The following RPAP2 variants were observed in gnomAD, a reference collection of about 807,000 sequenced individuals.
The protein encoded by RPAP2 is RNA polymerase II associated protein 2, also known as putative RNA polymerase II subunit B1 CTD phosphatase RPAP2.
RPAP2 carries 52 observed loss-of-function variants against 73.1 expected under a neutral mutation model. The observed-to-expected ratio is 0.71, with a 90% CI of 0.57 to 0.90. RPAP2 has a LOEUF of 0.90. Ranked by LOEUF, RPAP2 falls within the 40% of genes least tolerant of loss-of-function variation. RPAP2 has a pLI of 0.00. For missense variants in RPAP2, 598 were observed against 701.8 expected, an observed-to-expected ratio of 0.85 and a Z score of 1.67; for synonymous variants, 225 against 242.1, an observed-to-expected ratio of 0.93 and a Z score of 0.65.
At chr1:92,305,019 C>T (rs902502301) in intron 5 of RPAP2, among the ~76,000 whole-genome samples, 1 of 152,028 alleles carries the variant, frequency 6.6e-6, no homozygotes, top group East Asian at 1.9e-4. Context: ...CCTGTAGTCC[C>T]AGCTACTCAG....
rs1346785534 is a variant in RPAP2, at chr1:92,391,171, A to G, written c.*4160A>G. On this transcript the variant is annotated 3_prime_UTR_variant, in exon 13 of 13. Transcript: ENST00000610020. ...CTTCAGCAAATGCAAAAGAACAGAA[A>G]TCACAACAAACCGTCTCAGACCACA... 1 of 152,188 alleles carries G rather than the reference A, an allele frequency of 6.6e-6. No individual in the cohort carries two copies. The highest frequency in any genetic ancestry group is 1.9e-4 in the East Asian group (1 of 5,200). 9.4% of individuals were successfully genotyped at this position (152,188 alleles called of 1,614,324 possible).
At chr1:92,360,590 G>A (rs1359281789) in intron 11 of RPAP2, among the ~76,000 whole-genome samples, 1 of 152,114 alleles carries the variant, frequency 6.6e-6, no homozygotes, top group East Asian at 1.9e-4. Context: ...GGTGGAATGT[G>A]GCCCATGAAG....
At chr1:92,332,619 G>A (rs1021148720) in intron 8 of RPAP2, among the ~76,000 whole-genome samples, 1 of 152,058 alleles carries the variant, frequency 6.6e-6, no homozygotes, top group African/African-American at 2.4e-5. Context: ...TGTAATCAGA[G>A]ATTAAGATGA....
intron 10 of RPAP2, among the ~76,000 whole-genome samples, chr1:92,343,047 G>A (rs578028932): frequency 1.7e-4 from 26 of 152,282 alleles, no homozygotes; most frequent in Non-Finnish European, 2.9e-4. Context: ...ATTTAAAGTC[G>A]TAAGATTGGA....
intron 6 of RPAP2, among the ~76,000 whole-genome samples, chr1:92,311,078 G>T (rs530552907): frequency 6.6e-6 from 1 of 152,116 alleles, no homozygotes; most frequent in Non-Finnish European, 1.5e-5. Context: ...CTACTCTGTT[G>T]CTTTTTTAAA....
In RPAP2 at chr1:92,395,785, G is replaced by A. The variant is rs1472355684; in HGVS notation, c.*8774G>A. Reference sequence around the variant, plus strand: ...AAAATAAGGCAGACAACTTAAAAATGGACAAAATGTTTGAATAGATATTTC... The same window carrying A: ...AAAATAAGGCAGACAACTTAAAAATAGACAAAATGTTTGAATAGATATTTC... On this transcript the variant is annotated 3_prime_UTR_variant, in exon 13 of 13. Coordinates refer to ENST00000610020, the MANE Select transcript of RPAP2 (RefSeq NM_024813.3). 2.6e-5 allele frequency: 4 copies of A among 152,058 alleles called. No individual in the cohort carries two copies. The highest frequency in any genetic ancestry group is 9.7e-5 in the African/African-American group (4 of 41,414). The allele number at this position is 152,058 out of a possible 1,614,324, so 9.4% of individuals were successfully genotyped here. A position where few individuals can be genotyped will look rare whatever the true frequency, so the allele number is the denominator to read the frequency against.
At chr1:92,310,538 T>A (rs921589151) in intron 6 of RPAP2, among the ~76,000 whole-genome samples, 1 of 152,146 alleles carries the variant, frequency 6.6e-6, no homozygotes, top group African/African-American at 2.4e-5. Flanking sequence ...TAGCTTACAA[T>A]GAGTCATGAT....
At chr1:92,354,291 A>G (rs148101421) in intron 11 of RPAP2, among the ~76,000 whole-genome samples, 108 of 152,358 alleles carry the variant, frequency 7.1e-4, no homozygotes, top group African/African-American at 2.4e-3. Context: ...TGTGGAAGCC[A>G]TAGTTGATTA....
At position 92,377,143 on chromosome 1, in the gene RPAP2, C is replaced by A. The variant is rs183470388; in HGVS notation, c.1689-3581C>A. Among the ~76,000 whole-genome samples, 312 of 152,138 alleles carry A rather than the reference C, an allele frequency of 2.1e-3. 2 individuals carry two copies. Among genetic ancestry groups the A allele is most frequent in the Non-Finnish European group, 3.0e-3 (207 of 68,010 alleles). On this transcript the variant is annotated intron_variant, in intron 11 of 12. Coordinates refer to ENST00000610020, the MANE Select transcript of RPAP2 (RefSeq NM_024813.3). ...TTTAAGGTACTTTAGTATTATCAGC[C>A]CCATTTTATAGATAGACCCTAAGGC...
intron 7 of RPAP2, 139 bp from the exon 8 acceptor site, chr1:92,323,306 A>C (rs529363088): frequency 1.9e-5 from 9 of 470,372 alleles, no homozygotes; most frequent in South Asian, 6.3e-5. Flanking sequence ...CCTAGAAATA[A>C]GGTTTTGTCT....
rs1656247281 is a variant in RPAP2, at chr1:92,398,788, G to GT, written c.*11778dup. On this transcript the variant is annotated 3_prime_UTR_variant, in exon 13 of 13. Transcript: ENST00000610020. ...TGTGCAGCACAAGCTGAAGGATAAG[G>GT]TGTGGGGCAGTGACTGCGTGGGGCT... 1 of 152,222 alleles carries GT rather than the reference G, an allele frequency of 6.6e-6. No homozygotes were observed. The highest frequency in any genetic ancestry group is 1.5e-5 in the Non-Finnish European group (1 of 68,066). The allele number at this position is 152,222 out of a possible 1,614,324, so 9.4% of individuals were successfully genotyped here. A position where few individuals can be genotyped will look rare whatever the true frequency, so the allele number is the denominator to read the frequency against.
chr1:92,374,884 G>C (rs1655320358), intron 11 of RPAP2, among the ~76,000 whole-genome samples: 1 of 151,920 alleles, frequency 6.6e-6, no homozygotes, highest in Admixed American at 6.6e-5. Flanking sequence ...TTGGGTGATG[G>C]GTGCACCAGA....
rs1334620750 is a variant in RPAP2 at position 92,389,038 on chromosome 1, G to C, written c.*2027G>C. 6.6e-6 allele frequency: 1 copy of C among 152,362 alleles called. No homozygotes were observed. Among genetic ancestry groups the C allele is most frequent in the African/African-American group, 2.4e-5 (1 of 41,448 alleles). 9.4% of individuals were successfully genotyped at this position (152,362 alleles called of 1,614,324 possible). ...CCTGACAGCTCTGAAGAGAGCAGTG[G>C]TTCTCCCAGCACCGCGTTCAAGCTC... is the stretch of plus-strand genomic sequence containing the variant. On this transcript the variant is annotated 3_prime_UTR_variant, in exon 13 of 13. Coordinates refer to ENST00000610020, the MANE Select transcript of RPAP2 (RefSeq NM_024813.3).
At chr1:92,343,178 C>T (rs1653694235) in intron 10 of RPAP2, among the ~76,000 whole-genome samples, 1 of 152,096 alleles carries the variant, frequency 6.6e-6, no homozygotes, top group Admixed American at 6.6e-5. Context: ...GTGGGGGAAC[C>T]AGGCAAGTGA....
chr1:92,386,684 TG>T (rs1464394594), intron 12 of RPAP2, among the ~76,000 whole-genome samples: 3 of 152,124 alleles, frequency 2.0e-5, no homozygotes, highest in Non-Finnish European at 2.9e-5. Flanking sequence ...ATACTTTACA[TG>T]TTTTTTTGTT....
intron 11 of RPAP2, among the ~76,000 whole-genome samples, chr1:92,377,305 G>C (rs886518697): frequency 1.3e-5 from 2 of 151,930 alleles, no homozygotes; most frequent in African/African-American, 2.4e-5. Context: ...TGGATCACAA[G>C]GTCAAGAGAT....
intron 5 of RPAP2, among the ~76,000 whole-genome samples, chr1:92,304,933 T>C (rs1211268179): frequency 6.6e-6 from 1 of 150,612 alleles, no homozygotes; most frequent in Non-Finnish European, 1.5e-5. Flanking sequence ...CTCAAGGAGT[T>C]GGAGGCCAGC....
chr1:92,380,943 T>C lies in RPAP2; in HGVS notation c.1838+70T>C. Reference sequence around the variant, plus strand: ...TGCCTATGTGGATTCTTTTTTTTTTTAATTGGAAATTGTAAAAACCAAGTA... The same window carrying C: ...TGCCTATGTGGATTCTTTTTTTTTTCAATTGGAAATTGTAAAAACCAAGTA... On this transcript the variant is annotated intron_variant, in intron 12 of 12. Transcript: ENST00000610020. 5 of 1,314,284 alleles carry C rather than the reference T, an allele frequency of 3.8e-6. 1 individual carries two copies. The highest frequency in any genetic ancestry group is 5.1e-6 in the Non-Finnish European group (5 of 981,654). 81.4% of individuals were successfully genotyped at this position (1,314,284 alleles called of 1,614,324 possible).
chr1:92,300,984 C>G (rs980931213), intron 2 of RPAP2, among the ~76,000 whole-genome samples: 1 of 152,106 alleles, frequency 6.6e-6, no homozygotes, highest in Non-Finnish European at 1.5e-5. Flanking sequence ...TGTGATGTTA[C>G]GAGAAGGAAT....
Sources: allele counts gnomAD v4.1 joint callset (sites outside exome capture counted in the v4.1 genomes callset), GRCh38; gene constraint gnomAD v4.1.1; transcripts MANE v1.5; gene names NCBI Gene and HGNC (gene_info 2026-07-23, HGNC 2026-07-21).